The following RNF213 variants were observed in gnomAD, a reference collection of about 807,000 sequenced individuals.
RNF213 encodes the protein ring finger protein 213, also known as E3 ubiquitin-protein ligase RNF213.
RNF213 carries 341 observed loss-of-function variants against 514.4 expected under a neutral mutation model. The observed-to-expected ratio is 0.66, with a 90% confidence interval of 0.61 to 0.73. The LOEUF (loss-of-function observed/expected upper bound fraction) is 0.73. RNF213 is among the 30% of genes least tolerant of loss of function. The probability of loss-of-function intolerance (pLI) is 0.00; values close to 1 mark genes in which losing one functional copy is unlikely to be tolerated. For missense variants in RNF213, 5,767 were observed against 6,615.6 expected (o/e 0.87, Z 4.45); for synonymous variants, 2,655 against 2,658.2 (o/e 1.00, Z 0.04).
chr17:80,383,033 A>G lies in RNF213; in HGVS notation c.14033A>G (p.Glu4678Gly). ...ACTAAAGAAATGAGGAACAACTGGG[A>G]AAAGGAAATCGCAGCTGTGATTTCT... ...LSTKEMRNNW[E>G]KEIAAVISPE... is the part of the protein sequence containing the mutation. Residue 4678 changes from glutamate to glycine, a missense_variant, in exon 58 of 68, where the codon GAA becomes GGA. Transcript: ENST00000582970. 1.2e-6 allele frequency: 2 copies of G among 1,613,308 alleles called. No homozygotes were observed. Among genetic ancestry groups the G allele is most frequent in the Non-Finnish European group, 1.7e-6 (2 of 1,179,310 alleles).
intron 37 of RNF213, among the ~76,000 whole-genome samples, chr17:80,358,700 A>G (rs1568128473): frequency 6.6e-6 from 1 of 152,120 alleles, no homozygotes. Flanking sequence ...CATGAGGTCA[A>G]GAGATCAAGA....
chr17:80,331,536 G>A (rs528847786), intron 20 of RNF213, among the ~76,000 whole-genome samples: 4 of 151,806 alleles, frequency 2.6e-5, no homozygotes, highest in East Asian at 1.9e-4. Flanking sequence ...TTACAGGTGC[G>A]CTCCACCACG....
chr17:80,292,469 A>G (rs901959378), intron 8 of RNF213, among the ~76,000 whole-genome samples: 1 of 152,122 alleles, frequency 6.6e-6, no homozygotes, highest in Non-Finnish European at 1.5e-5. Context: ...TGGGTCAGGG[A>G]CAAGTGCAGT....
chr17:80,328,280 G>A (rs1172402904), intron 19 of RNF213, 48 bp from the exon 20 acceptor site: 1 of 1,504,946 alleles, frequency 6.6e-7, no homozygotes, highest in Non-Finnish European at 8.9e-7. Context: ...ATGGAAAATG[G>A]CATTTGTTGC....
In RNF213 at chr17:80,290,722, A is replaced by T. The variant is rs751558529; in HGVS notation, c.1265A>T (p.Tyr422Phe). ...KWDSNICELH[Y>F]TRDLGHDRVL... ...GACAGCAATATCTGTGAGCTGCACT[A>T]CACCAGGTGAGCGTGTCTGTAGGCT... is the stretch of plus-strand genomic sequence containing the variant. The change falls in exon 7 of 68, where the codon TAC becomes TTC. Residue 422 changes from tyrosine to phenylalanine, a missense_variant. Physicochemically the swap from Tyr to Phe is conservative, Grantham distance 22. Transcript: ENST00000582970. 6.2e-7 allele frequency: 1 copy of T among 1,614,154 alleles called. No individual in the cohort carries two copies. The highest frequency in any genetic ancestry group is 8.5e-7 in the Non-Finnish European group (1 of 1,180,010).
chr17:80,288,830 T>G lies in RNF213; in HGVS notation c.933+75T>G. Reference sequence around the variant, plus strand: ...GGCTGCGCCTCTTTCATTTAATTATTCAGCAAATATTTAAGTGCTGGGGAT... The same window carrying G: ...GGCTGCGCCTCTTTCATTTAATTATGCAGCAAATATTTAAGTGCTGGGGAT... On this transcript the variant is annotated intron_variant, in intron 5 of 67. Transcript: ENST00000582970. The surrounding 1 kb of genome is among the most constrained non-coding windows in gnomAD (Gnocchi z 4.9). 6.2e-7 allele frequency: 1 copy of G among 1,609,620 alleles called. No individual in the cohort carries two copies. Among genetic ancestry groups the G allele is most frequent in the East Asian group, 2.2e-5 (1 of 44,864 alleles).
rs56957242 is a variant in RNF213, at chr17:80,273,613, CTTTTTT to C, written c.261+227_261+232del. On this transcript the variant is annotated intron_variant, in intron 3 of 67. Transcript: ENST00000582970. ...CCAGACCCCCTGGGGCCTCCACCGT[CTTTTTT>C]TTTTTTTTTTTTTTTTTGAGACAGA... Among the ~76,000 whole-genome samples, 422 of 97,596 alleles carry C rather than the reference CTTTTTT, an allele frequency of 4.3e-3. 2 individuals are homozygous for C. The highest frequency in any genetic ancestry group is 0.016 in the African/African-American group (391 of 24,968). The allele number at this position is 97,596 out of a possible 152,430, so 64.0% of individuals were successfully genotyped here.
intron 10 of RNF213, among the ~76,000 whole-genome samples, chr17:80,298,041 C>T (rs1040434791): frequency 2.0e-5 from 3 of 152,154 alleles, no homozygotes; most frequent in African/African-American, 7.2e-5. Flanking sequence ...CAGTCAGGAC[C>T]CTGCGTTGAC....
chr17:80,375,779 G>A lies in RNF213; in HGVS notation c.13094G>A (p.Ser4365Asn). Residue 4365 changes from serine (S) to asparagine (N), a missense_variant, in exon 51 of 68, where the codon AGC becomes AAC. Ser to Asn is a conservative substitution (Grantham distance 46, BLOSUM62 1). Transcript: ENST00000582970. ...TALKACKTPQ[S>N]QQSAYFLLTL... Reference sequence around the variant, plus strand: ...TTGCAGGCCTGCAAGACCCCCCAAAGCCAGCAGTCAGCCTACTTCCTGTTA... The same window carrying A: ...TTGCAGGCCTGCAAGACCCCCCAAAACCAGCAGTCAGCCTACTTCCTGTTA... 1 of 1,613,936 alleles carries A rather than the reference G, an allele frequency of 6.2e-7. No individual in the cohort carries two copies.
At chr17:80,364,260 A>T (rs1241952302) in intron 41 of RNF213, among the ~76,000 whole-genome samples, 173 bp from the exon 42 acceptor site, 3 of 152,098 alleles carry the variant, frequency 2.0e-5, no homozygotes, top group Non-Finnish European at 4.4e-5. Flanking sequence ...AGCGTCTGAG[A>T]GCGAGAGCTG....
chr17:80,339,055 GAGGAGGGAGGCCT>G, intron 25 of RNF213, 133 bp from the exon 26 acceptor site: 4 of 390,026 alleles, frequency 1.0e-5, no homozygotes, highest in South Asian at 2.8e-4. Flanking sequence ...TTGTGTAGAT[GAGGAGGGAGGCCT>G]TGTGAGCGCA....
chr17:80,306,769 G>T (rs1417466970), intron 12 of RNF213, among the ~76,000 whole-genome samples: 3 of 151,524 alleles, frequency 2.0e-5, no homozygotes, highest in African/African-American at 7.3e-5. Flanking sequence ...GGAGAATGGT[G>T]TGAACCCGGG....
At chr17:80,383,417 T>C (rs954376189) in intron 58 of RNF213, among the ~76,000 whole-genome samples, 1 of 152,194 alleles carries the variant, frequency 6.6e-6, no homozygotes, top group Non-Finnish European at 1.5e-5. Flanking sequence ...CTGACAATCA[T>C]AGATTAATTA....
intron 38 of RNF213, among the ~76,000 whole-genome samples, chr17:80,360,797 A>G (rs771219424): frequency 6.6e-6 from 1 of 152,230 alleles, no homozygotes; most frequent in Non-Finnish European, 1.5e-5. Flanking sequence ...TCATACATGC[A>G]ATAGTCTTTT....
intron 11 of RNF213, among the ~76,000 whole-genome samples, chr17:80,300,453 A>G (rs1219963751): frequency 6.6e-6 from 1 of 152,144 alleles, no homozygotes; most frequent in Non-Finnish European, 1.5e-5. Context: ...CATGTTGGCC[A>G]GGCTGTTCTT....
chr17:80,382,092 G>T (rs985530847), intron 57 of RNF213: 27 of 314,514 alleles, frequency 8.6e-5, no homozygotes, highest in African/African-American at 2.1e-5. Context: ...CATGCTGGGA[G>T]CACGTGTCGT....
At chr17:80,277,712 C>T (rs999645584) in intron 3 of RNF213, among the ~76,000 whole-genome samples, 4 of 151,772 alleles carry the variant, frequency 2.6e-5, no homozygotes, top group African/African-American at 9.7e-5. Context: ...TTTACAGGGG[C>T]TTTTGCGCAT....
rs1260163656 is a variant in RNF213, at chr17:80,303,571, T to C, written c.2211-2681T>C. 2.7e-5 allele frequency among the ~76,000 whole-genome samples: 4 copies of C among 149,764 alleles called. No homozygotes were observed. In the East Asian group the frequency reaches 7.7e-4, roughly 29 times the overall value. On this transcript the variant is annotated intron_variant, in intron 11 of 67. Transcript: ENST00000582970. ...TTTTCTTTTTTCTTTTCTTTTCTTTTTTTTTTTTTTTTGAGACAGTCCTGC... is the reference window on the plus strand; with the variant it reads ...TTTTCTTTTTTCTTTTCTTTTCTTTCTTTTTTTTTTTTGAGACAGTCCTGC...
chr17:80,389,420 G>A, intron 65 of RNF213, 53 bp downstream of exon 65: 1 of 1,529,366 alleles, frequency 6.5e-7, no homozygotes, highest in Non-Finnish European at 9.0e-7. Context: ...CTGGTCTCCT[G>A]CTTCCCGCGA....
Sources: gnomAD v4.1 joint callset for allele counts (sites outside exome capture counted in the v4.1 genomes callset) on GRCh38, gnomAD v4.1.1 for gene constraint, Gnocchi (gnomAD v3.1) non-coding constraint, MANE v1.5 for transcripts, NCBI Gene and HGNC (gene_info 2026-07-23, HGNC 2026-07-21) for gene names.